KDM5A: variants seen among roughly 807,000 people sequenced by gnomAD.
KDM5A encodes the protein lysine demethylase 5A, also known as lysine-specific demethylase 5A.
In KDM5A, 42 loss-of-function variants were observed where a neutral mutation model predicts 193.5. That is an observed-to-expected ratio of 0.22 (90% CI 0.17 to 0.28). The LOEUF (loss-of-function observed/expected upper bound fraction) is 0.28. Among genes scored for constraint, KDM5A ranks in the 10% least tolerant of loss-of-function variants. The pLI, the probability that KDM5A is intolerant of heterozygous loss-of-function variation, is 1.00. For missense variants in KDM5A, 1,692 were observed against 2,055.1 expected, an observed-to-expected ratio of 0.82 and a Z score of 3.42; for synonymous variants, 796 against 718.1, an observed-to-expected ratio of 1.11 and a Z score of -1.73.
In KDM5A at chr12:354,120, C is replaced by G. The variant is rs767856238; in HGVS notation, c.985G>C (p.Asp329His). ...CACCTCCAGTCTCCTTTGGGCACAT[C>G]AGGTAGTGGAGGAATTAGACAAAAT... ...HTFCLIPPLP[D>H]VPKGDWRCPK... is the part of the protein sequence containing the mutation. Residue 329 changes from aspartate to histidine, a missense_variant, in exon 8 of 28, where the codon GAT becomes CAT. Asp to His is a moderately conservative substitution (Grantham distance 81). This residue lies in a region of KDM5A where 62 missense variants were observed against 107.1 expected (regional missense o/e 0.58). Coordinates refer to ENST00000399788, the MANE Select transcript of KDM5A (RefSeq NM_001042603.3). The G allele has an allele frequency of 5.0e-6, 8 of 1,613,756 alleles. No individual in the cohort carries two copies. The East Asian group carries it at 1.8e-4, about 36-fold the overall frequency.
chr12:316,104 TA>T (rs1413611001), intron 19 of KDM5A, among the ~76,000 whole-genome samples: 2 of 152,310 alleles, frequency 1.3e-5, no homozygotes, highest in Admixed American at 1.3e-4. Context: ...AAAATAATGG[TA>T]AGTAGTTAAT....
intron 10 of KDM5A, among the ~76,000 whole-genome samples, chr12:346,613 T>C (rs1194167617): frequency 6.6e-6 from 1 of 152,176 alleles, no homozygotes; most frequent in Non-Finnish European, 1.5e-5. Context: ...TAGTTCAACA[T>C]ACTCAAATCG....
At chr12:331,797 AG>A in intron 13 of KDM5A, 21 bp downstream of exon 13, 1 of 1,613,700 alleles carries the variant, frequency 6.2e-7, no homozygotes, top group Non-Finnish European at 8.5e-7. Context: ...GACGTACAAC[AG>A]CCACTTGCTA....
chr12:289,261 C>G (rs1281588935), intron 27 of KDM5A, among the ~76,000 whole-genome samples: 3 of 151,898 alleles, frequency 2.0e-5, no homozygotes, highest in African/African-American at 7.3e-5. Context: ...AAATTAGTAG[C>G]CTGAGAGAAT....
intron 3 of KDM5A, among the ~76,000 whole-genome samples, chr12:379,903 A>G (rs570956433): frequency 1.3e-5 from 2 of 152,352 alleles, no homozygotes; most frequent in South Asian, 4.1e-4. Context: ...AGAATTGTGA[A>G]CAACTAAGTA....
At position 352,269 on chromosome 12, in the gene KDM5A, G is replaced by A; in HGVS notation, c.1085C>T (p.Thr362Ile). ...FGFEQAVREY[T>I]LQSFGEMADN... Reference sequence around the variant, plus strand: ...TGCCATCTCTCCAAAGCTCTGAAGTGTATACTCTCGTACAGCTTGTTCAAA... The same window carrying A: ...TGCCATCTCTCCAAAGCTCTGAAGTATATACTCTCGTACAGCTTGTTCAAA... Residue 362 changes from threonine to isoleucine, a missense_variant, in exon 9 of 28, where the codon ACA (threonine) becomes ATA (isoleucine). Around this residue, in one of 11 missense-constraint regions of KDM5A, gnomAD observed 62 missense variants for 107.1 expected, o/e 0.58. Transcript: ENST00000399788. 2 of 1,611,852 alleles carry A rather than the reference G, an allele frequency of 1.2e-6. No homozygotes were observed. Among genetic ancestry groups the A allele is most frequent in the Non-Finnish European group, 1.7e-6 (2 of 1,177,954 alleles).
At position 355,145 on chromosome 12, in the gene KDM5A, C is replaced by G. The variant is rs2137456196; in HGVS notation, c.870+13G>C. 6.6e-7 allele frequency: 1 copy of G among 1,514,326 alleles called. No homozygotes were observed. Among genetic ancestry groups the G allele is most frequent in the Non-Finnish European group, 9.2e-7 (1 of 1,088,934 alleles). 93.8% of individuals were successfully genotyped at this position (1,514,326 alleles called of 1,614,324 possible). A position where few individuals can be genotyped will look rare whatever the true frequency, so the allele number is the denominator to read the frequency against. ...TAAATCCTTTCCCTCCTGACAGACCCCAAAACACTTACAAAGTTAACAGAG... is the reference window on the plus strand; with the variant it reads ...TAAATCCTTTCCCTCCTGACAGACCGCAAAACACTTACAAAGTTAACAGAG... On this transcript the variant is annotated intron_variant, in intron 7 of 27. Coordinates refer to ENST00000399788, the MANE Select transcript of KDM5A (RefSeq NM_001042603.3).
At position 364,182 on chromosome 12, in the gene KDM5A, T is replaced by G. The variant is rs148295115; in HGVS notation, c.538-1085A>C. On this transcript the variant is annotated intron_variant, in intron 4 of 27. Transcript: ENST00000399788. Reference sequence around the variant, plus strand: ...AAAACAACTTGGCAGTCCTTAAAAATTTACACAGGCCGGGTGCGGTGGCTC... The same window carrying G: ...AAAACAACTTGGCAGTCCTTAAAAAGTTACACAGGCCGGGTGCGGTGGCTC... Among the ~76,000 whole-genome samples, 24 of 152,236 alleles carry G rather than the reference T, an allele frequency of 1.6e-4. No homozygotes were observed. In the Middle Eastern group the frequency reaches 0.01, roughly 65 times the overall value.
At chr12:289,903 C>CTTTTTTTTTTTTTT (rs1943269398) in intron 27 of KDM5A, among the ~76,000 whole-genome samples, 28 of 106,722 alleles carry the variant, frequency 2.6e-4, no homozygotes, top group African/African-American at 1.1e-3. Context: ...TTTTTTCTTT[C>CTTTTTTTTTTTTTT]TTTCTTTTTT....
chr12:281,421 A>G lies in KDM5A; in HGVS notation c.*4035T>C, dbSNP rs764254467. The G allele has an allele frequency of 1.3e-5, 3 of 233,068 alleles. No homozygotes were observed. The highest frequency in any genetic ancestry group is 2.5e-5 in the Non-Finnish European group (3 of 118,028). 14.4% of individuals were successfully genotyped at this position (233,068 alleles called of 1,614,324 possible). ...TGTTGCATAGTGGTGACTGGATATG[A>G]TCCAGGCCAAGACAAGACCAAAATT... On this transcript the variant is annotated 3_prime_UTR_variant, in exon 28 of 28. Transcript: ENST00000399788.
chr12:333,047 G>C, intron 12 of KDM5A: 1 of 211,636 alleles, frequency 4.7e-6, no homozygotes, highest in South Asian at 7.5e-5. Flanking sequence ...TTGGCTAAAA[G>C]ATGATATGAC....
chr12:380,734 T>G (rs1944562963), intron 3 of KDM5A, among the ~76,000 whole-genome samples: 3 of 151,328 alleles, frequency 2.0e-5, no homozygotes, highest in Admixed American at 2.0e-4. Flanking sequence ...AAAAAAAAAG[T>G]AGAAAGAGCT....
At position 379,959 on chromosome 12, in the gene KDM5A, C is replaced by T. The variant is rs569486437; in HGVS notation, c.366+4072G>A. Among the ~76,000 whole-genome samples the T allele has an allele frequency of 3.9e-5, 6 of 152,228 alleles. No individual in the cohort carries two copies. In the South Asian group the frequency reaches 1.2e-3, roughly 32 times the overall value. ...AAAGCCCCTTCCCTATTTTGAAATC[C>T]TATGACTTTAGAAAACCAGAAAAGT... On this transcript the variant is annotated intron_variant, in intron 3 of 27. Transcript: ENST00000399788.
chr12:286,444 C>G (rs1943220532), intron 27 of KDM5A, among the ~76,000 whole-genome samples: 1 of 152,140 alleles, frequency 6.6e-6, no homozygotes, highest in South Asian at 2.1e-4. Flanking sequence ...AATAAAGTGA[C>G]TTTTGGCTTT....
chr12:327,998 A>C (rs1276804912), intron 14 of KDM5A, among the ~76,000 whole-genome samples: 1 of 151,938 alleles, frequency 6.6e-6, no homozygotes, highest in Non-Finnish European at 1.5e-5. Context: ...TGGGCGACAG[A>C]GAGAGAACCC....
intron 24 of KDM5A, among the ~76,000 whole-genome samples, chr12:300,568 A>T (rs1943429419): frequency 6.6e-6 from 1 of 152,232 alleles, no homozygotes; most frequent in South Asian, 2.1e-4. Flanking sequence ...CTAAATGCCC[A>T]CAAGAGAAAG....
intron 5 of KDM5A, among the ~76,000 whole-genome samples, chr12:361,534 A>C (rs1256508381): frequency 1.3e-5 from 2 of 152,128 alleles, no homozygotes; most frequent in African/African-American, 4.8e-5. Flanking sequence ...CATTAGGAAT[A>C]GGCAAGACAT....
At chr12:354,270 A>G in intron 7 of KDM5A, 36 bp from the exon 8 acceptor site, 2 of 1,407,380 alleles carry the variant, frequency 1.4e-6, no homozygotes, top group Non-Finnish European at 2.0e-6. Context: ...TCTATTTTCT[A>G]TAATAAATAA....
chr12:297,378 T>G (rs898220095), intron 24 of KDM5A, among the ~76,000 whole-genome samples, 178 bp from the exon 25 acceptor site: 1 of 152,226 alleles, frequency 6.6e-6, no homozygotes, highest in Admixed American at 6.5e-5. Context: ...AAACTGTAAT[T>G]GTGGCAGGCC....
Sources: allele counts gnomAD v4.1 joint callset (sites outside exome capture counted in the v4.1 genomes callset), GRCh38; gene constraint gnomAD v4.1.1; regional missense constraint gnomAD v4.1.1; transcripts MANE v1.5; gene names NCBI Gene and HGNC (gene_info 2026-07-23, HGNC 2026-07-21).